CPSF7: variants seen among roughly 807,000 people sequenced by gnomAD.
CPSF7 encodes cleavage and polyadenylation specificity factor subunit 7.
A neutral mutation model predicts 44.3 loss-of-function variants in CPSF7; 1 was observed. That is an observed-to-expected ratio of 0.02 (90% CI 0.01 to 0.11). The LOEUF (loss-of-function observed/expected upper bound fraction) is 0.11, where lower values mean the gene tolerates loss of function less well. CPSF7 is among the 10% of genes least tolerant of loss of function. The pLI is 1.00. For missense variants in CPSF7, 443 were observed against 607.2 expected (o/e 0.73, Z 2.84); for synonymous variants, 202 against 222.0 (o/e 0.91, Z 0.80).
At chr11:61,427,893 TG>T (rs1429405978) in intron 2 of CPSF7, among the ~76,000 whole-genome samples, 1 of 152,154 alleles carries the variant, frequency 6.6e-6, no homozygotes, top group African/African-American at 2.4e-5. Flanking sequence ...TTATGCCAAG[TG>T]AAAAATAAAT....
Position 61,416,260 on chromosome 11 carries a change from A to G in CPSF7, c.783T>C (p.Pro261=). ...CAGCAAGATGAGGAGGTAATCGAGG[A>G]GGTGGGGGCATGAGATGCTGGTAGT... is the stretch of plus-strand genomic sequence containing the variant. ...GIHYQHLMPP[P]PRLPPHLAVP... The change falls in exon 6 of 10, where the codon CCT becomes CCC. Residue 261 remains proline (P), a synonymous_variant. Coordinates refer to ENST00000439958, the MANE Select transcript of CPSF7 (RefSeq NM_001142565.3). 1 of 1,527,244 alleles carries G rather than the reference A, an allele frequency of 6.5e-7. No homozygotes were observed. The highest frequency in any genetic ancestry group is 8.8e-7 in the Non-Finnish European group (1 of 1,139,708). The allele number at this position is 1,527,244 out of a possible 1,614,324, so 94.6% of individuals were successfully genotyped here.
At chr11:61,409,549 C>T (rs1048576803) in intron 9 of CPSF7, among the ~76,000 whole-genome samples, 1 of 152,130 alleles carries the variant, frequency 6.6e-6, no homozygotes, top group Non-Finnish European at 1.5e-5. Flanking sequence ...AAAACCCTTC[C>T]GTTGAAGTTA....
At chr11:61,424,621 T>C (rs1428289178) in intron 2 of CPSF7, among the ~76,000 whole-genome samples, 1 of 152,130 alleles carries the variant, frequency 6.6e-6, no homozygotes, top group Admixed American at 6.5e-5. Flanking sequence ...CCCAGCTAAT[T>C]TTTGTATTTT....
At chr11:61,429,821 G>A (rs1296725213) in intron 1 of CPSF7, 93 bp downstream of exon 1, 2 of 1,548,064 alleles carry the variant, frequency 1.3e-6, no homozygotes, top group African/African-American at 1.4e-5. Flanking sequence ...GCAGACTCCG[G>A]CCGTCCCATC....
chr11:61,423,280 C>G (rs1289597936), intron 2 of CPSF7, among the ~76,000 whole-genome samples: 1 of 145,062 alleles, frequency 6.9e-6, no homozygotes, highest in Admixed American at 7.4e-5. Context: ...TCAAGTGATT[C>G]TCCTGCCTCA....
At chr11:61,423,752 C>G (rs959727447) in intron 2 of CPSF7, among the ~76,000 whole-genome samples, 1 of 152,170 alleles carries the variant, frequency 6.6e-6, no homozygotes, top group Admixed American at 6.5e-5. Flanking sequence ...AATATCACGG[C>G]AATAACTGCT....
chr11:61,414,664 T>A (rs907210872), intron 7 of CPSF7, among the ~76,000 whole-genome samples: 1 of 152,158 alleles, frequency 6.6e-6, no homozygotes, highest in African/African-American at 2.4e-5. Context: ...TGTAGGAAAC[T>A]CACAGGAAGG....
intron 9 of CPSF7, among the ~76,000 whole-genome samples, chr11:61,409,805 C>T (rs1859685842): frequency 6.6e-6 from 1 of 151,988 alleles, no homozygotes; most frequent in Non-Finnish European, 1.5e-5. Context: ...AAAGCCCCGC[C>T]TCTACTAAAA....
At chr11:61,420,690 T>A in intron 3 of CPSF7, 117 bp from the exon 4 acceptor site, 1 of 745,162 alleles carries the variant, frequency 1.3e-6, no homozygotes, top group Non-Finnish European at 2.3e-6. Context: ...CTCAAAAGCC[T>A]GGCAATATTT....
chr11:61,415,875 G>T, intron 6 of CPSF7, 91 bp from the exon 7 acceptor site: 1 of 1,016,336 alleles, frequency 9.8e-7, no homozygotes, highest in Non-Finnish European at 1.5e-6. Flanking sequence ...GCATAACACA[G>T]AACAATGCTA....
intron 9 of CPSF7, among the ~76,000 whole-genome samples, chr11:61,408,949 CA>C (rs1271591237): frequency 3.3e-5 from 5 of 152,126 alleles, no homozygotes; most frequent in African/African-American, 1.2e-4. Context: ...GAGGCTGAGG[CA>C]GGGGGATCAC....
At chr11:61,429,689 G>A (rs996717774) in intron 1 of CPSF7, 7 of 1,496,266 alleles carry the variant, frequency 4.7e-6, no homozygotes, top group African/African-American at 2.8e-5. Context: ...AGCTCCAGCC[G>A]CCTCTGCCCC....
At chr11:61,415,161 C>CGG (rs1860205320) in intron 7 of CPSF7, among the ~76,000 whole-genome samples, 1 of 152,126 alleles carries the variant, frequency 6.6e-6, no homozygotes, top group Admixed American at 6.6e-5. Context: ...TCGCTTGAAA[C>CGG]CAGGAGGTGG....
chr11:61,415,609 A>G, intron 7 of CPSF7, 57 bp downstream of exon 7: 11 of 1,159,282 alleles, frequency 9.5e-6, no homozygotes, highest in Non-Finnish European at 1.4e-5. Context: ...AAATGACAAA[A>G]TCAGGAAAAA....
rs1405517209 is a variant in CPSF7, at chr11:61,404,129, A to C, written c.*581T>G. 1 of 152,660 alleles carries C rather than the reference A, an allele frequency of 6.6e-6. No individual in the cohort carries two copies. The highest frequency in any genetic ancestry group is 1.5e-5 in the Non-Finnish European group (1 of 68,036). The allele number at this position is 152,660 out of a possible 1,614,324, so 9.5% of individuals were successfully genotyped here. A position where few individuals can be genotyped will look rare whatever the true frequency, so the allele number is the denominator to read the frequency against. ...ACGTGAGAGGGAAAGCAGGAACAGA[A>C]GTAGCTTTTCATAAGGTAATTTCTG... is the stretch of plus-strand genomic sequence containing the variant. On this transcript the variant is annotated 3_prime_UTR_variant, in exon 10 of 10. Transcript: ENST00000439958.
chr11:61,419,703 G>A (rs141491942), intron 5 of CPSF7, among the ~76,000 whole-genome samples: 13 of 152,254 alleles, frequency 8.5e-5, no homozygotes, highest in Non-Finnish European at 1.6e-4. Flanking sequence ...AAGGTCACAC[G>A]AGTCAGTGGC....
intron 7 of CPSF7, among the ~76,000 whole-genome samples, chr11:61,415,137 C>T (rs1009789357): frequency 6.6e-6 from 1 of 152,154 alleles, no homozygotes; most frequent in East Asian, 1.9e-4. Context: ...ACTTGGGAGG[C>T]TGAGGCAGGA....
intron 2 of CPSF7, 85 bp from the exon 3 acceptor site, chr11:61,421,693 A>C (rs1860895327): frequency 2.1e-6 from 2 of 966,220 alleles, no homozygotes; most frequent in Admixed American, 2.2e-5. Context: ...GAATCCAGTT[A>C]AATACTTGGT....
At position 61,420,507 on chromosome 11, in the gene CPSF7, T is replaced by G; in HGVS notation, c.340A>C (p.Lys114Gln). 6.2e-7 allele frequency: 1 copy of G among 1,614,150 alleles called. No homozygotes were observed. The highest frequency in any genetic ancestry group is 8.5e-7 in the Non-Finnish European group (1 of 1,180,014). ...SIGVYDVVEL[K>Q]FAENRANGQS... ...CCATTTGCTCGATTCTCTGCAAATT[T>G]CAACTCCACCACATCATAGACTCCT... Residue 114 changes from lysine (K) to glutamine (Q), a missense_variant, in exon 4 of 10, where the codon AAA becomes CAA. Coordinates refer to ENST00000439958, the MANE Select transcript of CPSF7 (RefSeq NM_001142565.3).
Sources: gnomAD v4.1 joint callset for allele counts (sites outside exome capture counted in the v4.1 genomes callset) on GRCh38, gnomAD v4.1.1 for gene constraint, MANE v1.5 for transcripts, NCBI Gene and HGNC (gene_info 2026-07-23, HGNC 2026-07-21) for gene names.